The following PRR16 variants were observed in gnomAD, a reference collection of about 807,000 sequenced individuals.
PRR16 encodes proline rich 16.
A neutral mutation model predicts 18.2 loss-of-function variants in PRR16; 6 were observed. That is an observed-to-expected ratio of 0.33 (90% CI 0.18 to 0.65). PRR16 has a LOEUF of 0.65. Ranked by LOEUF, PRR16 falls within the 30% of genes least tolerant of loss-of-function variation. The pLI, the probability that PRR16 is intolerant of heterozygous loss-of-function variation, is 0.74. For missense variants in PRR16, 412 were observed against 376.6 expected, an observed-to-expected ratio of 1.09 and a Z score of -0.78; for synonymous variants, 151 against 147.8, an observed-to-expected ratio of 1.02 and a Z score of -0.16.
chr5:120,642,157 T>C (rs1047758384), intron 1 of PRR16, among the ~76,000 whole-genome samples: 2 of 152,110 alleles, frequency 1.3e-5, no homozygotes, highest in African/African-American at 4.8e-5. Flanking sequence ...GACACCATTC[T>C]CACTTATCAG....
the PRR16 span, among the ~76,000 whole-genome samples, chr5:120,776,642 G>C: frequency 6.6e-6 from 1 of 151,928 alleles, no homozygotes; most frequent in Non-Finnish European, 1.5e-5. Flanking sequence ...CTAAATAAAA[G>C]AATTTGAGAT....
chr5:120,578,366 C>A (rs1213630490), intron 1 of PRR16, among the ~76,000 whole-genome samples: 1 of 151,948 alleles, frequency 6.6e-6, no homozygotes, highest in East Asian at 1.9e-4. Context: ...TTTGCTGCAC[C>A]TATTGACCTG....
the PRR16 span, among the ~76,000 whole-genome samples, chr5:120,750,666 C>A: frequency 7.6e-5 from 11 of 144,366 alleles, no homozygotes; most frequent in African/African-American, 2.8e-4. Flanking sequence ...GACTCCATCT[C>A]AAAAAAAAAA....
intron 1 of PRR16, among the ~76,000 whole-genome samples, chr5:120,561,019 T>G: frequency 6.6e-6 from 1 of 152,084 alleles, no homozygotes; most frequent in East Asian, 1.9e-4. Context: ...CTCTTCATTC[T>G]TGATTAGTCT....
chr5:120,715,735 T>C, the PRR16 span, among the ~76,000 whole-genome samples: 1 of 152,336 alleles, frequency 6.6e-6, no homozygotes, highest in South Asian at 2.1e-4. Context: ...TTATTTTTTA[T>C]GTTTGAACAT....
At position 120,464,445 on chromosome 5, in the gene PRR16, G is replaced by T. The variant is rs1211224825; in HGVS notation, c.-42G>T. On this transcript the variant is annotated 5_prime_UTR_variant, in exon 1 of 2. Transcript: ENST00000407149. ...GGGACGGGGGCACGCAGCAGCCTCCGCTCGCCCGCCTGTCCTGACCTGCCT... is the reference window on the plus strand; with the variant it reads ...GGGACGGGGGCACGCAGCAGCCTCCTCTCGCCCGCCTGTCCTGACCTGCCT... The T allele has an allele frequency of 2.0e-6, 3 of 1,525,590 alleles. No individual in the cohort carries two copies. Among genetic ancestry groups the T allele is most frequent in the Admixed American group, 3.9e-5 (2 of 50,972 alleles). 94.5% of individuals were successfully genotyped at this position (1,525,590 alleles called of 1,614,324 possible).
chr5:120,522,764 C>T (rs187072872), intron 1 of PRR16, among the ~76,000 whole-genome samples: 60 of 149,736 alleles, frequency 4.0e-4, no homozygotes, highest in Non-Finnish European at 6.7e-4. Context: ...CGCCACCATG[C>T]GTGGCTATTT....
intron 1 of PRR16, among the ~76,000 whole-genome samples, chr5:120,581,385 T>C (rs1331419070): frequency 6.6e-6 from 1 of 152,220 alleles, no homozygotes; most frequent in Admixed American, 6.5e-5. Context: ...TCATTTTGTA[T>C]TGTGCCTATC....
chr5:120,754,205 A>AAATATTATAATATATAATATAT, the PRR16 span, among the ~76,000 whole-genome samples: 2 of 77,954 alleles, frequency 2.6e-5, no homozygotes, highest in Non-Finnish European at 4.9e-5. Context: ...TATATATTAT[A>AAATATTATAATATATAATATAT]AATTATATAT....
intron 1 of PRR16, among the ~76,000 whole-genome samples, chr5:120,580,533 C>A (rs1753237558): frequency 6.7e-6 from 1 of 148,430 alleles, no homozygotes; most frequent in South Asian, 2.1e-4. Context: ...CGGCTCACTG[C>A]AAGCTCCACC....
chr5:120,636,539 A>G, intron 1 of PRR16, among the ~76,000 whole-genome samples: 1 of 152,166 alleles, frequency 6.6e-6, no homozygotes, highest in East Asian at 1.9e-4. Flanking sequence ...CGGAAAGGAC[A>G]CAATATTCAA....
intron 1 of PRR16, among the ~76,000 whole-genome samples, chr5:120,578,824 C>G (rs936953930): frequency 2.6e-5 from 4 of 152,142 alleles, no homozygotes; most frequent in African/African-American, 9.7e-5. Context: ...AATTGCCATA[C>G]TGTCTTCCAC....
chr5:120,692,865 A>G, the PRR16 span, among the ~76,000 whole-genome samples: 2 of 152,170 alleles, frequency 1.3e-5, no homozygotes, highest in Non-Finnish European at 2.9e-5. Context: ...TTTAACAACC[A>G]TATTTGAATT....
chr5:120,497,274 C>T (rs1261123450), intron 1 of PRR16, among the ~76,000 whole-genome samples: 1 of 150,998 alleles, frequency 6.6e-6, no homozygotes, highest in Non-Finnish European at 1.5e-5. Context: ...TCTAGTTACC[C>T]CGTCAGTTTT....
chr5:120,754,468 A>AGTATATATTATATAAT, the PRR16 span, among the ~76,000 whole-genome samples: 1 of 97,096 alleles, frequency 1.0e-5, no homozygotes, highest in African/African-American at 4.2e-5. Flanking sequence ...TATAGTATAT[A>AGTATATATTATATAAT]GTATATATTA....
At position 120,685,969 on chromosome 5, in the gene PRR16, G is replaced by T; in HGVS notation, c.175G>T (p.Asp59Tyr). 6.2e-7 allele frequency: 1 copy of T among 1,613,294 alleles called. No homozygotes were observed. Among genetic ancestry groups the T allele is most frequent in the South Asian group, 1.1e-5 (1 of 90,988 alleles). ...KELKEVVDQI[D>Y]TLTSDLQLED... ...TTTCCACTAGGTGGTTGACCAGATT[G>T]ACACCCTGACCTCTGACCTACAGCT... The change falls in exon 2 of 2, where the codon GAC (aspartate) becomes TAC (tyrosine). Residue 59 changes from aspartate (D) to tyrosine (Y), a missense_variant. By Grantham distance (160) the Asp-to-Tyr change is radical. Coordinates refer to ENST00000407149, the MANE Select transcript of PRR16 (RefSeq NM_001300783.2).
At chr5:120,534,679 T>C (rs1751659198) in intron 1 of PRR16, among the ~76,000 whole-genome samples, 1 of 152,186 alleles carries the variant, frequency 6.6e-6, no homozygotes, top group Non-Finnish European at 1.5e-5. Context: ...CATCATTTTG[T>C]TTTCAGCATA....
rs114771483 is a variant in PRR16 at position 120,595,939 on chromosome 5, T to A, written c.160-90015T>A. 4.6e-3 allele frequency among the ~76,000 whole-genome samples: 700 copies of A among 152,098 alleles called. 6 individuals carry two copies. Among genetic ancestry groups the A allele is most frequent in the African/African-American group, 0.016 (674 of 41,550 alleles). On this transcript the variant is annotated intron_variant, in intron 1 of 1. Transcript: ENST00000407149. ...TATATTTCCTGTCAAAATGTAATAT[T>A]TTGTAAGCACATTTTCAGTTTGAGG...
chr5:120,567,846 C>T (rs577071267), intron 1 of PRR16, among the ~76,000 whole-genome samples: 1 of 152,170 alleles, frequency 6.6e-6, no homozygotes, highest in East Asian at 1.9e-4. Context: ...TATAAATTAC[C>T]CAGTCTCTGT....
Sources: gnomAD v4.1 joint callset for allele counts (sites outside exome capture counted in the v4.1 genomes callset) on GRCh38, gnomAD v4.1.1 for gene constraint, MANE v1.5 for transcripts, NCBI Gene and HGNC (gene_info 2026-07-23, HGNC 2026-07-21) for gene names.